LARGE1: variants seen among roughly 807,000 people sequenced by gnomAD.
LARGE1 encodes the protein LARGE xylosyl- and glucuronyltransferase 1, also known as xylosyl- and glucuronyltransferase LARGE1.
In LARGE1, 43 loss-of-function variants were observed where a neutral mutation model predicts 87.6. That is an observed-to-expected ratio of 0.49 (90% confidence interval 0.38 to 0.63). The LOEUF (loss-of-function observed/expected upper bound fraction) is 0.63. Among genes scored for constraint, LARGE1 ranks in the 30% least tolerant of loss-of-function variants. The probability of loss-of-function intolerance (pLI) is 0.00; values close to 1 mark genes in which losing one functional copy is unlikely to be tolerated. For missense variants in LARGE1, 802 were observed against 1,000.2 expected (o/e 0.80, Z 2.67); for synonymous variants, 434 against 394.6 (o/e 1.10, Z -1.18).
intron 7 of LARGE1, 96 bp downstream of exon 7, chr22:33,432,065 T>G: frequency 1.0e-6 from 1 of 973,892 alleles, no homozygotes; most frequent in Non-Finnish European, 1.6e-6. Context: ...TCAGGTGGCC[T>G]CCTCCTGAGC....
intron 6 of LARGE1, among the ~76,000 whole-genome samples, chr22:33,506,481 G>T (rs1358096334): frequency 6.6e-6 from 1 of 152,176 alleles, no homozygotes; most frequent in Non-Finnish European, 1.5e-5. Flanking sequence ...GAGGAGCTGA[G>T]AAAGGGGCAT....
intron 12 of LARGE1, among the ~76,000 whole-genome samples, chr22:33,303,634 A>AT (rs1035248556): frequency 7.2e-5 from 11 of 152,140 alleles, no homozygotes; most frequent in Non-Finnish European, 1.2e-4. Context: ...TATTATTATT[A>AT]TTTTTTGAGA....
chr22:33,325,071 C>G (rs1937121251), intron 10 of LARGE1, among the ~76,000 whole-genome samples: 1 of 152,252 alleles, frequency 6.6e-6, no homozygotes, highest in African/African-American at 2.4e-5. Flanking sequence ...AACAGAGTAG[C>G]TGAGATTCAA....
chr22:33,164,340 G>A (rs964508131), exon 12 of LARGE1: 2 of 152,112 alleles, frequency 1.3e-5, no homozygotes, highest in Non-Finnish European at 2.9e-5. Flanking sequence ...AAGTTCCCAA[G>A]TACGTCTTCC....
chr22:33,315,548 A>T (rs924230575), intron 11 of LARGE1, among the ~76,000 whole-genome samples: 1 of 152,194 alleles, frequency 6.6e-6, no homozygotes, highest in Admixed American at 6.5e-5. Flanking sequence ...CTATCCTCAG[A>T]CAATGATAAG....
chr22:33,798,660 T>C (rs749551754), intron 1 of LARGE1, among the ~76,000 whole-genome samples: 8 of 152,184 alleles, frequency 5.3e-5, no homozygotes, highest in South Asian at 2.1e-4. Context: ...TTCAAAGATA[T>C]GATCTGAAGA....
In LARGE1 at chr22:33,400,926, T is replaced by G. The variant is rs549192700; in HGVS notation, c.893-16622A>C. 7.2e-5 allele frequency among the ~76,000 whole-genome samples: 11 copies of G among 152,262 alleles called. 1 individual carries two copies. The South Asian group carries it at 2.3e-3, about 32-fold the overall frequency. On this transcript the variant is annotated intron_variant, in intron 7 of 14. Transcript: ENST00000397394. ...TGCCCCTTCTGTGCCAGACACATAT[T>G]CTCAGTTTTTCCACTCCCAGGTCCA...
intron 9 of LARGE1, among the ~76,000 whole-genome samples, chr22:33,379,768 C>T (rs1170746475): frequency 6.6e-6 from 1 of 152,146 alleles, no homozygotes; most frequent in Non-Finnish European, 1.5e-5. Context: ...AAGTTCTAAC[C>T]CTCTGATCAC....
intron 6 of LARGE1, among the ~76,000 whole-genome samples, chr22:33,440,295 A>C (rs992102485): frequency 6.6e-6 from 1 of 152,180 alleles, no homozygotes; most frequent in Non-Finnish European, 1.5e-5. Flanking sequence ...GTGGAAGTAG[A>C]TGCGTACTAG....
At chr22:33,644,070 C>T (rs920312409) in intron 3 of LARGE1, among the ~76,000 whole-genome samples, 1 of 152,176 alleles carries the variant, frequency 6.6e-6, no homozygotes, top group Non-Finnish European at 1.5e-5. Context: ...ATGAGGCCAG[C>T]ATCACCCTAA....
intron 11 of LARGE1, among the ~76,000 whole-genome samples, chr22:33,311,981 C>G (rs953822386): frequency 1.3e-5 from 2 of 152,134 alleles, no homozygotes; most frequent in African/African-American, 4.8e-5. Context: ...TCTGTCCTTC[C>G]GTCTAGTGCC....
chr22:33,077,899 T>C, the LARGE1 span, among the ~76,000 whole-genome samples: 13 of 152,320 alleles, frequency 8.5e-5, no homozygotes, highest in East Asian at 2.5e-3. Flanking sequence ...CTGTAGTTCA[T>C]GTCCATCTAG....
At chr22:33,360,181 C>T (rs533318118) in intron 9 of LARGE1, among the ~76,000 whole-genome samples, 3 of 149,400 alleles carry the variant, frequency 2.0e-5, no homozygotes, top group South Asian at 4.5e-4. Flanking sequence ...GGCGTAGTGA[C>T]GTGTGCCTGT....
chr22:33,473,503 C>T (rs188855303), intron 6 of LARGE1, among the ~76,000 whole-genome samples: 3 of 152,334 alleles, frequency 2.0e-5, no homozygotes, highest in Non-Finnish European at 2.9e-5. Flanking sequence ...GCACATGCCA[C>T]CACCATGCCC....
rs560703342 is a variant in LARGE1, at chr22:33,568,859, CATGGATGGATGG to C, written c.616-3852_616-3841del. On this transcript the variant is annotated intron_variant, in intron 5 of 14. Coordinates refer to ENST00000397394, the MANE Select transcript of LARGE1 (RefSeq NM_133642.5). ...AGATGGATGGATGGATGGATGAATG[CATGGATGGATGG>C]ATGGATGGATGGATGATGGATGGCA... Among the ~76,000 whole-genome samples, 23 of 150,438 alleles carry C rather than the reference CATGGATGGATGG, an allele frequency of 1.5e-4. No homozygotes were observed. In the South Asian group the frequency reaches 4.6e-3, roughly 30 times the overall value.
At chr22:33,450,485 T>C (rs11913859) in intron 6 of LARGE1, among the ~76,000 whole-genome samples, 49,960 of 149,116 alleles carry the variant, frequency 0.34, 9,007 homozygotes, top group African/African-American at 0.46. Context: ...TGGTGGCGGG[T>C]GCCCGTAGTC....
At chr22:33,555,388 A>C (rs566774383) in intron 6 of LARGE1, among the ~76,000 whole-genome samples, 2 of 152,196 alleles carry the variant, frequency 1.3e-5, no homozygotes, top group Middle Eastern at 3.4e-3. Context: ...ATTCATTAGA[A>C]GGTGATGAGT....
intron 6 of LARGE1, among the ~76,000 whole-genome samples, chr22:33,445,814 T>C (rs1569169626): frequency 6.6e-6 from 1 of 152,092 alleles, no homozygotes; most frequent in Non-Finnish European, 1.5e-5. Context: ...CATGCTCGGC[T>C]ACTTTTTGTA....
chr22:33,503,242 C>CCTTTTT (rs1274977067), intron 6 of LARGE1, among the ~76,000 whole-genome samples: 1 of 142,810 alleles, frequency 7.0e-6, no homozygotes, highest in African/African-American at 2.6e-5. Context: ...AGGAGTTCCC[C>CCTTTTT]TTTTTTTTTT....
Sources: gnomAD v4.1 joint callset for allele counts (sites outside exome capture counted in the v4.1 genomes callset) on GRCh38, gnomAD v4.1.1 for gene constraint, MANE v1.5 for transcripts, NCBI Gene and HGNC (gene_info 2026-07-23, HGNC 2026-07-21) for gene names.